ZNF91: variants seen among roughly 807,000 people sequenced by gnomAD.
The protein encoded by ZNF91 is zinc finger protein 91.
Under a neutral mutation model 12.6 loss-of-function variants are expected in ZNF91, and 7 were observed. That is an observed-to-expected ratio of 0.55 (90% CI 0.31 to 1.04). The LOEUF is 1.04. Ranked by LOEUF, ZNF91 falls within the 50% of genes least tolerant of loss-of-function variation. The pLI is 0.05. For synonymous variants in ZNF91, 453 were observed against 462.6 expected (o/e 0.98, Z 0.27); for missense variants, 1,217 against 1,385.4 (o/e 0.88, Z 1.93).
chr19:23,342,945 T>A (rs1466427095), intron 3 of ZNF91, among the ~76,000 whole-genome samples: 2 of 152,214 alleles, frequency 1.3e-5, no homozygotes, highest in Non-Finnish European at 2.9e-5. Flanking sequence ...ATGGGCAGAA[T>A]TGTTAATTTT....
At chr19:23,345,320 C>T (rs1408768565) in intron 3 of ZNF91, among the ~76,000 whole-genome samples, 1 of 152,180 alleles carries the variant, frequency 6.6e-6, no homozygotes, top group Non-Finnish European at 1.5e-5. Context: ...ACCTACAAAC[C>T]TCAGGCCTCA....
chr19:23,306,582 C>T (rs956917995), intron 3 of ZNF91, among the ~76,000 whole-genome samples: 2 of 152,182 alleles, frequency 1.3e-5, no homozygotes, highest in African/African-American at 4.8e-5. Context: ...CTGTGTCTGG[C>T]CCATATCAGC....
At chr19:23,321,067 T>A (rs1257449330) in intron 1 of ZNF91, among the ~76,000 whole-genome samples, 1 of 152,278 alleles carries the variant, frequency 6.6e-6, no homozygotes, top group East Asian at 1.9e-4. Flanking sequence ...TCACACAACA[T>A]ACAAGACATG....
chr19:23,322,950 C>T (rs1462356205), intron 1 of ZNF91, among the ~76,000 whole-genome samples: 1 of 58 alleles, frequency 0.017, no homozygotes, highest in African/African-American at 0.1. Context: ...TCTTCCCTTC[C>T]TCCTCCTCTC....
chr19:23,374,783 C>T lies in ZNF91; in HGVS notation c.31-19G>A, dbSNP rs371987257. The T allele has an allele frequency of 5.0e-6, 8 of 1,605,520 alleles. No homozygotes were observed. The highest frequency in any genetic ancestry group is 2.7e-5 in the African/African-American group (2 of 74,686). Reference sequence around the variant, plus strand: ...ACAGTCCCTGAAAAACACACACAAACACACATATTTACAAAGTGGCTATGG... The same window carrying T: ...ACAGTCCCTGAAAAACACACACAAATACACATATTTACAAAGTGGCTATGG... On this transcript the variant is annotated intron_variant, in intron 1 of 3. Transcript: ENST00000300619.
At chr19:23,377,161 G>A (rs1190020245) in intron 1 of ZNF91, among the ~76,000 whole-genome samples, 8 of 151,988 alleles carry the variant, frequency 5.3e-5, no homozygotes, top group Admixed American at 5.2e-4. Context: ...TGGCCACACT[G>A]TCCTGTCCTT....
At chr19:23,332,294 G>C (rs1568370765) in intron 1 of ZNF91, among the ~76,000 whole-genome samples, 6 of 152,136 alleles carry the variant, frequency 3.9e-5, no homozygotes. Flanking sequence ...GGCAGTAAGA[G>C]CAGAAGTCAT....
intron 1 of ZNF91, among the ~76,000 whole-genome samples, chr19:23,332,468 C>T (rs1438297652): frequency 6.6e-6 from 1 of 152,104 alleles, no homozygotes; most frequent in African/African-American, 2.4e-5. Context: ...TATTAGAACT[C>T]AAACTGTTAA....
chr19:23,364,193 C>A (rs1433668884), intron 3 of ZNF91, among the ~76,000 whole-genome samples: 1 of 152,160 alleles, frequency 6.6e-6, no homozygotes, highest in Non-Finnish European at 1.5e-5. Context: ...GTGACACATG[C>A]CTGTAATCCC....
intron 3 of ZNF91, chr19:23,307,084 C>T (rs1381135023): frequency 6.6e-6 from 1 of 152,204 alleles, no homozygotes; most frequent in African/African-American, 2.4e-5. Flanking sequence ...CGTGTCCGGC[C>T]AACTTTTTCC....
At chr19:23,376,535 A>G (rs1186462955) in intron 1 of ZNF91, among the ~76,000 whole-genome samples, 1 of 152,134 alleles carries the variant, frequency 6.6e-6, no homozygotes, top group African/African-American at 2.4e-5. Context: ...GATTACAGGC[A>G]TGCATCACCA....
intron 3 of ZNF91, among the ~76,000 whole-genome samples, chr19:23,342,002 A>C (rs2145883337): frequency 6.6e-6 from 1 of 152,332 alleles, no homozygotes; most frequent in African/African-American, 2.4e-5. Flanking sequence ...AAAGAATTTA[A>C]GGGTATGGGA....
chr19:23,320,597 A>C (rs959967310), intron 1 of ZNF91, among the ~76,000 whole-genome samples: 1 of 152,358 alleles, frequency 6.6e-6, no homozygotes, highest in South Asian at 2.1e-4. Context: ...CTCACTCACT[A>C]TCACAAAAAC....
Position 23,372,223 on chromosome 19 carries a change from TA to T in ZNF91, c.253+1518del, listed in dbSNP as rs202199647. 0.015 allele frequency among the ~76,000 whole-genome samples: 2,064 copies of T among 141,530 alleles called. 103 individuals carry two copies. The East Asian group carries it at 0.17, about 12-fold the overall frequency. 92.8% of individuals were successfully genotyped at this position (141,530 alleles called of 152,430 possible). A position where few individuals can be genotyped will look rare whatever the true frequency, so the allele number is the denominator to read the frequency against. ...TATATGGAGAGTGACATTAATAAGA[TA>T]AAAAAAAAAAGATGCCCTATTTGCT... On this transcript the variant is annotated intron_variant, in intron 3 of 3. Coordinates refer to ENST00000300619, the MANE Select transcript of ZNF91 (RefSeq NM_003430.4).
intron 3 of ZNF91, among the ~76,000 whole-genome samples, chr19:23,340,936 TAAAG>T (rs1177234184): frequency 1.9e-4 from 29 of 151,484 alleles, no homozygotes; most frequent in East Asian, 1.5e-3. Context: ...ATAGTAATAA[TAAAG>T]AATTCTATTG....
chr19:23,352,062 C>G (rs956538900), intron 3 of ZNF91, among the ~76,000 whole-genome samples: 2 of 152,158 alleles, frequency 1.3e-5, no homozygotes, highest in African/African-American at 2.4e-5. Flanking sequence ...CAGGGGAAGG[C>G]GAGAACCTGG....
chr19:23,394,138 CAG>C (rs1970155621), intron 1 of ZNF91, among the ~76,000 whole-genome samples: 1 of 152,044 alleles, frequency 6.6e-6, no homozygotes, highest in African/African-American at 2.4e-5. Context: ...TACTGCAAGC[CAG>C]AGTTAGGCTG....
upstream of ZNF91, among the ~76,000 whole-genome samples, chr19:23,314,726 C>T (rs1967524395): frequency 6.6e-6 from 1 of 152,188 alleles, no homozygotes; most frequent in Non-Finnish European, 1.5e-5. Flanking sequence ...ACTCTTCTTC[C>T]TGGGCTCTTT....
In ZNF91 at chr19:23,385,490, C is replaced by T. The variant is rs1229206314; in HGVS notation, c.30+9835G>A. On this transcript the variant is annotated intron_variant, in intron 1 of 3. Transcript: ENST00000300619. ...ACAATTTAGAAAAAAAAAATCCTGT[C>T]TTGGCAAAACGAGGAAATCTGTCAG... 1.4e-4 allele frequency among the ~76,000 whole-genome samples: 22 copies of T among 152,168 alleles called. 1 individual carries two copies. In the East Asian group the frequency reaches 4.2e-3, roughly 29 times the overall value.
Sources: allele counts gnomAD v4.1 joint callset (sites outside exome capture counted in the v4.1 genomes callset), GRCh38; gene constraint gnomAD v4.1.1; transcripts MANE v1.5; gene names NCBI Gene and HGNC (gene_info 2026-07-23, HGNC 2026-07-21).